The following RIC3 variants were observed in gnomAD, a reference collection of about 807,000 sequenced individuals.
RIC3 encodes RIC3 acetylcholine receptor chaperone.
Under a neutral mutation model 27.3 loss-of-function variants are expected in RIC3, and 28 were observed. That is an observed-to-expected ratio of 1.02 (90% CI 0.76 to 1.41). The LOEUF (loss-of-function observed/expected upper bound fraction) is 1.41. RIC3 is among the 40% of genes most tolerant of loss of function. RIC3 has a pLI of 0.00. For missense variants in RIC3, 501 were observed against 444.7 expected, an observed-to-expected ratio of 1.13 and a Z score of -1.14; for synonymous variants, 184 against 160.4, an observed-to-expected ratio of 1.15 and a Z score of -1.11.
At chr11:8,163,806 C>T (rs1951414937) in intron 1 of RIC3, among the ~76,000 whole-genome samples, 1 of 134,800 alleles carries the variant, frequency 7.4e-6, no homozygotes, top group Admixed American at 7.8e-5. Flanking sequence ...AAAATCCCAA[C>T]TGGCATTTTT....
intron 5 of RIC3, among the ~76,000 whole-genome samples, chr11:8,118,865 C>T (rs1467152068): frequency 8.3e-6 from 1 of 120,118 alleles, no homozygotes; most frequent in Non-Finnish European, 1.9e-5. Context: ...AGTGAGACTC[C>T]ATCTCAAAAA....
intron 1 of RIC3, among the ~76,000 whole-genome samples, chr11:8,165,725 A>G (rs1363395049): frequency 6.6e-6 from 1 of 150,394 alleles, no homozygotes; most frequent in African/African-American, 2.4e-5. Context: ...AAAAAAAAAA[A>G]GACTTCCCTC....
chr11:8,097,566 C>A, the RIC3 span: 2 of 1,351,174 alleles, frequency 1.5e-6, no homozygotes, highest in African/African-American at 1.4e-5. Flanking sequence ...GGTCTGTGCA[C>A]ATCTTTGTGT....
At chr11:8,143,920 C>A (rs867398587) in intron 1 of RIC3, among the ~76,000 whole-genome samples, 187 of 152,232 alleles carry the variant, frequency 1.2e-3, no homozygotes, top group African/African-American at 4.4e-3. Flanking sequence ...GAAAAACAAG[C>A]AATGGGGAAA....
chr11:8,165,326 T>A lies in RIC3; in HGVS notation c.124+3540A>T, dbSNP rs79979690. ...ATTAATGAATAAATGAAATGTGGTA[T>A]ATCCACACAATGAAATATTATTCAG... On this transcript the variant is annotated intron_variant, in intron 1 of 5. Coordinates refer to ENST00000309737, the MANE Select transcript of RIC3 (RefSeq NM_001206671.4). 5.4e-3 allele frequency among the ~76,000 whole-genome samples: 738 copies of A among 135,512 alleles called. 6 individuals are homozygous for A. The highest frequency in any genetic ancestry group is 0.019 in the African/African-American group (710 of 36,640). 88.9% of individuals were successfully genotyped at this position (135,512 alleles called of 152,430 possible). A position where few individuals can be genotyped will look rare whatever the true frequency, so the allele number is the denominator to read the frequency against.
rs967236772 is a variant in RIC3 at position 8,108,212 on chromosome 11, C to T, written c.*2486G>A. The T allele has an allele frequency of 6.6e-6, 1 of 152,182 alleles. No individual in the cohort carries two copies. The highest frequency in any genetic ancestry group is 1.5e-5 in the Non-Finnish European group (1 of 68,040). The allele number at this position is 152,182 out of a possible 1,614,324, so 9.4% of individuals were successfully genotyped here. A position where few individuals can be genotyped will look rare whatever the true frequency, so the allele number is the denominator to read the frequency against. On this transcript the variant is annotated 3_prime_UTR_variant, in exon 6 of 6. Transcript: ENST00000309737. ...GACCAACAACACTTTACATAACAGC[C>T]TCACCAAAATACTTGAACATCCATG...
the RIC3 span, chr11:8,097,791 G>A: frequency 6.2e-7 from 1 of 1,614,044 alleles, no homozygotes; most frequent in Non-Finnish European, 8.5e-7. Context: ...CAACAGACTT[G>A]TCTCGAGGAG....
chr11:8,101,778 T>C, downstream of RIC3: 1 of 1,317,658 alleles, frequency 7.6e-7, no homozygotes, highest in Non-Finnish European at 1.0e-6. Flanking sequence ...AACTGGCTCC[T>C]TTGCCTCTGC....
chr11:8,112,259 A>G (rs964827791), intron 5 of RIC3, among the ~76,000 whole-genome samples: 3 of 151,706 alleles, frequency 2.0e-5, no homozygotes, highest in African/African-American at 7.3e-5. Flanking sequence ...TTAACCGTAT[A>G]TACACATATA....
chr11:8,152,456 G>A (rs1950325784), intron 1 of RIC3, among the ~76,000 whole-genome samples: 1 of 152,156 alleles, frequency 6.6e-6, no homozygotes, highest in South Asian at 2.1e-4. Flanking sequence ...AGTGAATACA[G>A]CCAGTCATGG....
At chr11:8,113,586 A>T (rs1590070866) in intron 5 of RIC3, among the ~76,000 whole-genome samples, 1 of 152,150 alleles carries the variant, frequency 6.6e-6, no homozygotes, top group African/African-American at 2.4e-5. Context: ...CACAGGCTCC[A>T]GGCCTGCCCA....
chr11:8,101,438 C>T, downstream of RIC3: 1 of 1,607,896 alleles, frequency 6.2e-7, no homozygotes. Flanking sequence ...CTGGCTCTAC[C>T]ATTCCTGTCC....
At chr11:8,128,837 C>T (rs11041757) in intron 4 of RIC3, among the ~76,000 whole-genome samples, 37,674 of 147,816 alleles carry the variant, frequency 0.25, 4,838 homozygotes, top group East Asian at 0.43. Flanking sequence ...TCACTGCAAG[C>T]TCCGCCTCCC....
chr11:8,104,613 A>G (rs1944456551), downstream of RIC3: 1 of 152,178 alleles, frequency 6.6e-6, no homozygotes, highest in Non-Finnish European at 1.5e-5. Context: ...TATACCTGGG[A>G]AGATACCAGC....
rs1446780225 is a variant in RIC3 at position 8,110,213 on chromosome 11, A to C, written c.*485T>G. On this transcript the variant is annotated 3_prime_UTR_variant, in exon 6 of 6. Transcript: ENST00000309737. Reference sequence around the variant, plus strand: ...ACCCTCCTCTGGGCCCATTAGCCCCACAAACAAAATGTTCTCTTCTCACCA... The same window carrying C: ...ACCCTCCTCTGGGCCCATTAGCCCCCCAAACAAAATGTTCTCTTCTCACCA... 4.4e-6 allele frequency: 1 copy of C among 225,954 alleles called. No homozygotes were observed. Among genetic ancestry groups the C allele is most frequent in the African/African-American group, 2.3e-5 (1 of 43,760 alleles). 14.0% of individuals were successfully genotyped at this position (225,954 alleles called of 1,614,324 possible). A position where few individuals can be genotyped will look rare whatever the true frequency, so the allele number is the denominator to read the frequency against.
chr11:8,099,977 A>G, the RIC3 span, among the ~76,000 whole-genome samples: 1 of 152,130 alleles, frequency 6.6e-6, no homozygotes, highest in Non-Finnish European at 1.5e-5. Context: ...TGAGCTGGAG[A>G]GCCACTGGAG....
At position 8,106,257 on chromosome 11, in the gene RIC3, T is replaced by C. The variant is rs1944633700; in HGVS notation, c.*4441A>G. The stretch of plus-strand genomic sequence containing the variant: ...ATCGTTTCAACACTTCTGTGTACTT[T>C]TTTCATAAAGGGGAAAAAAGCCCTG... On this transcript the variant is annotated 3_prime_UTR_variant, in exon 6 of 6. Transcript: ENST00000309737. The C allele has an allele frequency of 6.6e-6, 1 of 152,204 alleles. No homozygotes were observed. Among genetic ancestry groups the C allele is most frequent in the African/African-American group, 2.4e-5 (1 of 41,446 alleles). The allele number at this position is 152,204 out of a possible 1,614,324, so 9.4% of individuals were successfully genotyped here.
At chr11:8,097,836 T>C in the RIC3 span, 75 of 1,609,404 alleles carry the variant, frequency 4.7e-5, no homozygotes, top group African/African-American at 8.1e-4. Context: ...GGTACTAGCA[T>C]TCCCCCAGGA....
At chr11:8,147,849 T>C (rs1949861464) in intron 1 of RIC3, among the ~76,000 whole-genome samples, 1 of 150,858 alleles carries the variant, frequency 6.6e-6, no homozygotes, top group African/African-American at 2.4e-5. Flanking sequence ...TGCCTCAGCC[T>C]CCCAAGTAGC....
Sources: allele counts gnomAD v4.1 joint callset (sites outside exome capture counted in the v4.1 genomes callset), GRCh38; gene constraint gnomAD v4.1.1; transcripts MANE v1.5; gene names NCBI Gene and HGNC (gene_info 2026-07-23, HGNC 2026-07-21).